The following KMT2E variants were observed in gnomAD, a reference collection of about 807,000 sequenced individuals.
KMT2E encodes histone reader KMT2E.
Under a neutral mutation model 184.6 loss-of-function variants are expected in KMT2E, and 30 were observed. That is an observed-to-expected ratio of 0.16 (90% confidence interval 0.12 to 0.22). The LOEUF is 0.22. KMT2E is among the 10% of genes least tolerant of loss of function. KMT2E has a pLI of 1.00. For missense variants in KMT2E, 2,023 were observed against 2,237.4 expected, an observed-to-expected ratio of 0.90 and a Z score of 1.93; for synonymous variants, 815 against 776.5, an observed-to-expected ratio of 1.05 and a Z score of -0.82.
In KMT2E at chr7:105,079,025, A is replaced by G. The variant is rs948830199; in HGVS notation, c.1248+62A>G. 1.8e-5 allele frequency: 16 copies of G among 872,762 alleles called. No individual in the cohort carries two copies. The East Asian group carries it at 2.4e-4, about 13-fold the overall frequency. The allele number at this position is 872,762 out of a possible 1,614,324, so 54.1% of individuals were successfully genotyped here. ...CTGGGGGTGTGTTGGAATCTGAGCA[A>G]TAAGCACAAAACTCAGGTCACTGAC... On this transcript the variant is annotated intron_variant, in intron 12 of 26. Transcript: ENST00000311117.
rs1796843653 is a variant in KMT2E, at chr7:105,062,228, T to C, written c.136T>C (p.Tyr46His). ...EKSNSYPHQL[Y>H]TSSSHHSHSY... is the part of the protein sequence containing the mutation. ...ATCCAACAGTTATCCCCACCAGTTA[T>C]ATACCAGCAGCTCACATCATTCACA... The change falls in exon 4 of 27, where the codon TAT becomes CAT. Residue 46 changes from tyrosine (Y) to histidine (H), a missense_variant. Around this residue, in one of 8 missense-constraint regions of KMT2E, gnomAD observed 63 missense variants for 68.9 expected, o/e 0.91. Coordinates refer to ENST00000311117, the MANE Select transcript of KMT2E (RefSeq NM_182931.3). The C allele has an allele frequency of 1.2e-6, 2 of 1,613,736 alleles. No homozygotes were observed. Among genetic ancestry groups the C allele is most frequent in the Non-Finnish European group, 8.5e-7 (1 of 1,179,740 alleles).
intron 3 of KMT2E, among the ~76,000 whole-genome samples, chr7:105,046,428 C>T (rs1796107655): frequency 6.6e-6 from 1 of 152,042 alleles, no homozygotes; most frequent in African/African-American, 2.4e-5. Flanking sequence ...CATGGTATTC[C>T]AGTCTAGAGG....
At position 105,112,562 on chromosome 7, in the gene KMT2E, C is replaced by G. The variant is rs767280672; in HGVS notation, c.4806C>G (p.His1602Gln). ...GTTSQQTVPG[H>Q]HVTPGHFLPS... ...CAAGCCAGCAAACAGTTCCAGGACACCACGTGACTCCAGGGCATTTTTTGC... is the reference window on the plus strand; with the variant it reads ...CAAGCCAGCAAACAGTTCCAGGACAGCACGTGACTCCAGGGCATTTTTTGC... Residue 1602 changes from histidine to glutamine, a missense_variant, in exon 27 of 27, where the codon CAC becomes CAG. His to Gln is a conservative substitution (Grantham distance 24, BLOSUM62 0). Transcript: ENST00000311117. 1 of 1,614,048 alleles carries G rather than the reference C, an allele frequency of 6.2e-7. No individual in the cohort carries two copies. The highest frequency in any genetic ancestry group is 8.5e-7 in the Non-Finnish European group (1 of 1,179,986).
chr7:105,100,114 G>A (rs559157309), intron 15 of KMT2E, among the ~76,000 whole-genome samples: 2 of 152,266 alleles, frequency 1.3e-5, no homozygotes, highest in African/African-American at 4.8e-5. Context: ...ATACAGATAC[G>A]TAATCCATGA....
rs1340394458 is a variant in KMT2E at position 105,050,723 on chromosome 7, GTCTGTCTT to G, written c.71+9712_71+9719del. 2.1e-4 allele frequency among the ~76,000 whole-genome samples: 25 copies of G among 120,542 alleles called. No individual in the cohort carries two copies. In the East Asian group the frequency reaches 5.2e-3, roughly 25 times the overall value. The allele number at this position is 120,542 out of a possible 152,430, so 79.1% of individuals were successfully genotyped here. On this transcript the variant is annotated intron_variant, in intron 3 of 26. Transcript: ENST00000311117. ...TCTTTCTCTCTCTTTCTGTCTGTCT[GTCTGTCTT>G]TCTGTCTTTCTTTCTTTCGACAGAC...
chr7:105,054,044 G>A (rs1796457578), intron 3 of KMT2E, among the ~76,000 whole-genome samples: 1 of 151,732 alleles, frequency 6.6e-6, no homozygotes, highest in African/African-American at 2.4e-5. Context: ...ATGGTGGCAC[G>A]TGCCTGTAAT....
chr7:105,048,984 G>A (rs190410081), intron 3 of KMT2E, among the ~76,000 whole-genome samples: 1 of 152,194 alleles, frequency 6.6e-6, no homozygotes, highest in Admixed American at 6.5e-5. Flanking sequence ...AATATAATTA[G>A]GTAGAGGGAA....
At chr7:105,098,175 T>C (rs1049041779) in intron 15 of KMT2E, among the ~76,000 whole-genome samples, 1 of 152,122 alleles carries the variant, frequency 6.6e-6, no homozygotes, top group Non-Finnish European at 1.5e-5. Context: ...AATTTCTCTA[T>C]TTCAAGACCA....
intron 3 of KMT2E, among the ~76,000 whole-genome samples, chr7:105,043,535 C>T (rs1795976470): frequency 6.6e-6 from 1 of 152,200 alleles, no homozygotes; most frequent in African/African-American, 2.4e-5. Flanking sequence ...CGCGCCCGGC[C>T]ACTTACTTAA....
At chr7:105,073,993 G>GGC (rs1797433455) in intron 7 of KMT2E, among the ~76,000 whole-genome samples, 1 of 152,170 alleles carries the variant, frequency 6.6e-6, no homozygotes, top group African/African-American at 2.4e-5. Context: ...TCTTCAGAAA[G>GGC]ATATGATCCA....
chr7:105,031,465 A>G lies in KMT2E; in HGVS notation c.-188-6661A>G, dbSNP rs929836006. On this transcript the variant is annotated intron_variant, in intron 1 of 26. Transcript: ENST00000311117. ...CTCTTATTTGGTTATTTAATGGCTG[A>G]AAAAGGTGAGGCACGGTGGCTCATG... Among the ~76,000 whole-genome samples the G allele has an allele frequency of 2.4e-4, 35 of 147,922 alleles. 1 individual carries two copies. Among genetic ancestry groups the G allele is most frequent in the Non-Finnish European group, 2.1e-4 (14 of 66,744 alleles).
chr7:105,090,054 C>T lies in KMT2E; in HGVS notation c.1404C>T (p.Cys468=). The change falls in exon 14 of 27, where the codon TGC becomes TGT. Residue 468 remains cysteine, a synonymous_variant. Coordinates refer to ENST00000311117, the MANE Select transcript of KMT2E (RefSeq NM_182931.3). ...DCACLKENPE[C]PVLKRSSESM... The stretch of plus-strand genomic sequence containing the variant: ...CATGCCTCAAAGAAAACCCAGAGTG[C>T]CCTGTTCTAAAACGTAGTTCTGAAT... The T allele has an allele frequency of 6.2e-7, 1 of 1,613,620 alleles. No individual in the cohort carries two copies. Among genetic ancestry groups the T allele is most frequent in the South Asian group, 1.1e-5 (1 of 90,958 alleles).
intron 9 of KMT2E, 130 bp from the exon 10 acceptor site, chr7:105,076,833 A>G: frequency 1.5e-6 from 1 of 679,776 alleles, no homozygotes; most frequent in Non-Finnish European, 2.6e-6. Flanking sequence ...AGCAGTTTCT[A>G]GTTTATATTA....
Position 105,109,051 on chromosome 7 carries a change from G to A in KMT2E, c.3578G>A (p.Ser1193Asn). Residue 1193 changes from serine (S) to asparagine (N), a missense_variant, in exon 23 of 27, where the codon AGC becomes AAC. Physicochemically the swap from Ser to Asn is conservative, Grantham distance 46. Transcript: ENST00000311117. Reference sequence around the variant, plus strand: ...TCACCCCATGCAAGTGGAAGCTTGAGCAACAATGGTGATGGCTGTGCCAGC... The same window carrying A: ...TCACCCCATGCAAGTGGAAGCTTGAACAACAATGGTGATGGCTGTGCCAGC... ...SVSPHASGSL[S>N]NNGDGCASSN... is the part of the protein sequence containing the mutation. The A allele has an allele frequency of 6.2e-7, 1 of 1,614,204 alleles. No individual in the cohort carries two copies.
intron 1 of KMT2E, among the ~76,000 whole-genome samples, chr7:105,026,367 T>C (rs772722997): frequency 2.6e-5 from 4 of 152,190 alleles, no homozygotes; most frequent in Non-Finnish European, 5.9e-5. Context: ...CAAAGACCTT[T>C]GTTGTCGTGT....
intron 1 of KMT2E, among the ~76,000 whole-genome samples, chr7:105,036,186 T>G (rs558752098): frequency 1.5e-3 from 220 of 150,952 alleles, no homozygotes; most frequent in Non-Finnish European, 2.6e-3. Context: ...TTTTTTTTTT[T>G]GTTTTTTTTT....
Position 105,113,345 on chromosome 7 carries a change from A to G in KMT2E, c.*12A>G, listed in dbSNP as rs1323236701. The G allele has an allele frequency of 1.9e-6, 3 of 1,592,704 alleles. No individual in the cohort carries two copies. Among genetic ancestry groups the G allele is most frequent in the African/African-American group, 2.7e-5 (2 of 74,180 alleles). The stretch of plus-strand genomic sequence containing the variant: ...CAGGGTGGCATTAAAATGGACTCCA[A>G]AAACATTTTTTTAAATGTTCTGTAA... On this transcript the variant is annotated 3_prime_UTR_variant, in exon 27 of 27. Transcript: ENST00000311117.
intron 13 of KMT2E, among the ~76,000 whole-genome samples, chr7:105,087,029 AAT>A (rs1197596237): frequency 6.8e-6 from 1 of 146,770 alleles, no homozygotes; most frequent in Non-Finnish European, 1.5e-5. Flanking sequence ...CATATAATAT[AAT>A]ATATGGCATG....
intron 15 of KMT2E, among the ~76,000 whole-genome samples, chr7:105,095,282 T>C (rs990451432): frequency 1.3e-5 from 2 of 152,202 alleles, no homozygotes; most frequent in Non-Finnish European, 2.9e-5. Flanking sequence ...GTATATTTAA[T>C]ATATTTTTGT....
Sources: allele counts gnomAD v4.1 joint callset (sites outside exome capture counted in the v4.1 genomes callset), GRCh38; gene constraint gnomAD v4.1.1; regional missense constraint gnomAD v4.1.1; transcripts MANE v1.5; gene names NCBI Gene and HGNC (gene_info 2026-07-23, HGNC 2026-07-21).